The following RUNX1T1 variants were observed in gnomAD, a reference collection of about 807,000 sequenced individuals.
RUNX1T1 encodes protein CBFA2T1.
A neutral mutation model predicts 62.8 loss-of-function variants in RUNX1T1; 4 were observed. That is an observed-to-expected ratio of 0.06 (90% CI 0.03 to 0.15). RUNX1T1 has a LOEUF of 0.15. Among genes scored for constraint, RUNX1T1 ranks in the 10% least tolerant of loss-of-function variants. The pLI is 1.00. For synonymous variants in RUNX1T1, 291 were observed against 286.0 expected (o/e 1.02, Z -0.18); for missense variants, 508 against 754.3 (o/e 0.67, Z 3.82).
At chr8:92,028,334 A>G (rs1825648037) in intron 1 of RUNX1T1, among the ~76,000 whole-genome samples, 1 of 152,040 alleles carries the variant, frequency 6.6e-6, no homozygotes, top group South Asian at 2.1e-4. Context: ...GTAAGGAAAG[A>G]TCTGCTGTCA....
chr8:91,980,947 T>C (rs1001614926), intron 8 of RUNX1T1, among the ~76,000 whole-genome samples: 1 of 152,030 alleles, frequency 6.6e-6, no homozygotes, highest in African/African-American at 2.4e-5. Context: ...GCTGGGATTA[T>C]AGGCATGAGA....
chr8:92,026,122 G>A (rs772461455), intron 1 of RUNX1T1, among the ~76,000 whole-genome samples: 19 of 152,142 alleles, frequency 1.2e-4, no homozygotes, highest in Non-Finnish European at 2.8e-4. Context: ...GTCTGTGGAT[G>A]GTGGTACAGG....
intron 2 of RUNX1T1, chr8:92,071,151 C>T (rs1587466069): frequency 6.6e-6 from 1 of 152,278 alleles, no homozygotes; most frequent in South Asian, 2.1e-4. Flanking sequence ...TGGCCCTTCC[C>T]ACAGCAAATG....
intron 4 of RUNX1T1, among the ~76,000 whole-genome samples, chr8:92,007,529 TGA>T (rs1821019047): frequency 1.3e-5 from 2 of 151,912 alleles, no homozygotes; most frequent in African/African-American, 2.4e-5. Context: ...GGATGCATTC[TGA>T]GAGATGCATT....
chr8:91,986,367 T>C, intron 7 of RUNX1T1, 42 bp from the exon 9 acceptor site: 2 of 1,480,170 alleles, frequency 1.4e-6, no homozygotes, highest in Non-Finnish European at 1.9e-6. Flanking sequence ...ATATAAATCA[T>C]CACAATTAAA....
At chr8:92,021,142 CAT>C (rs978073208) in intron 1 of RUNX1T1, among the ~76,000 whole-genome samples, 3 of 152,016 alleles carry the variant, frequency 2.0e-5, no homozygotes, top group African/African-American at 7.2e-5. Flanking sequence ...CTGAGTTAGT[CAT>C]ATTTGAATAA....
At chr8:92,035,717 A>G (rs1827287933) in intron 1 of RUNX1T1, among the ~76,000 whole-genome samples, 1 of 152,178 alleles carries the variant, frequency 6.6e-6, no homozygotes, top group Non-Finnish European at 1.5e-5. Flanking sequence ...TTAATTGCTA[A>G]TAAATATTCC....
intron 5 of RUNX1T1, among the ~76,000 whole-genome samples, chr8:91,992,744 G>A (rs2130892941): frequency 6.6e-6 from 1 of 152,104 alleles, no homozygotes; most frequent in South Asian, 2.1e-4. Context: ...ATCCTGTCTG[G>A]GGTTATCAGG....
chr8:92,012,478 T>A (rs765805408), intron 3 of RUNX1T1, among the ~76,000 whole-genome samples: 5 of 152,022 alleles, frequency 3.3e-5, no homozygotes, highest in Non-Finnish European at 4.4e-5. Flanking sequence ...CGGTGAGCCT[T>A]GCTGGCACCG....
rs150431846 is a variant in RUNX1T1 at position 91,988,243 on chromosome 8, C to A, written c.911-1271G>T. 7.4e-4 allele frequency among the ~76,000 whole-genome samples: 112 copies of A among 152,184 alleles called. 1 individual carries two copies. The highest frequency in any genetic ancestry group is 2.6e-3 in the African/African-American group (108 of 41,568). ...ATGGAAGTGAACAAATTTATGATAGCCCCTTCTCAGACTAAATAAAAAGCT... is the reference window on the plus strand; with the variant it reads ...ATGGAAGTGAACAAATTTATGATAGACCCTTCTCAGACTAAATAAAAAGCT... On this transcript the variant is annotated intron_variant, in intron 6 of 10. Transcript: ENST00000396218.
chr8:92,092,349 G>A (rs189225785), intron 1 of RUNX1T1, among the ~76,000 whole-genome samples: 1 of 152,164 alleles, frequency 6.6e-6, no homozygotes, highest in Admixed American at 6.5e-5. Context: ...TCTCTATGTG[G>A]TGCTTTCCCT....
chr8:92,036,177 A>G (rs1367083631), intron 1 of RUNX1T1, among the ~76,000 whole-genome samples: 5 of 152,184 alleles, frequency 3.3e-5, no homozygotes, highest in African/African-American at 1.2e-4. Context: ...GAATCAAACC[A>G]AACATTGATG....
chr8:91,993,562 T>C (rs986219134), intron 5 of RUNX1T1, among the ~76,000 whole-genome samples: 1 of 152,168 alleles, frequency 6.6e-6, no homozygotes. Flanking sequence ...ATGGGACTGA[T>C]AGGAAACAAC....
At chr8:92,058,549 G>C (rs1335752065) in intron 1 of RUNX1T1, among the ~76,000 whole-genome samples, 1 of 152,114 alleles carries the variant, frequency 6.6e-6, no homozygotes, top group Non-Finnish European at 1.5e-5. Context: ...GTACATTTGA[G>C]ATTTACAAAC....
chr8:92,021,691 A>G (rs1824128414), intron 1 of RUNX1T1, among the ~76,000 whole-genome samples: 1 of 152,050 alleles, frequency 6.6e-6, no homozygotes, highest in Admixed American at 6.6e-5. Flanking sequence ...TGTCCCTCAT[A>G]GGAATGTGGT....
chr8:92,078,684 TA>T (rs1834790821), intron 1 of RUNX1T1, among the ~76,000 whole-genome samples: 1 of 152,206 alleles, frequency 6.6e-6, no homozygotes, highest in African/African-American at 2.4e-5. Context: ...ATCCGTGCAG[TA>T]GTTCAAGCTG....
intron 1 of RUNX1T1, among the ~76,000 whole-genome samples, chr8:92,084,564 G>A (rs1039993791): frequency 6.6e-6 from 1 of 152,174 alleles, no homozygotes; most frequent in African/African-American, 2.4e-5. Flanking sequence ...ATTTAACAAA[G>A]CATTAGAAAG....
At chr8:92,074,734 GAGA>G (rs1834173802) in intron 2 of RUNX1T1, among the ~76,000 whole-genome samples, 1 of 152,218 alleles carries the variant, frequency 6.6e-6, no homozygotes, top group Admixed American at 6.5e-5. Flanking sequence ...GTTAAGAAAA[GAGA>G]AGTAGTCATG....
intron 9 of RUNX1T1, among the ~76,000 whole-genome samples, chr8:91,971,632 T>TA (rs1812849827): frequency 6.6e-6 from 1 of 152,204 alleles, no homozygotes; most frequent in African/African-American, 2.4e-5. Flanking sequence ...ATAGAGGTTT[T>TA]AAAAAATAAT....
Sources: gnomAD v4.1 joint callset for allele counts (sites outside exome capture counted in the v4.1 genomes callset) on GRCh38, gnomAD v4.1.1 for gene constraint, MANE v1.5 for transcripts, NCBI Gene and HGNC (gene_info 2026-07-23, HGNC 2026-07-21) for gene names.